The following DLC1 variants were observed in gnomAD, a reference collection of about 807,000 sequenced individuals.
The protein encoded by DLC1 is DLC1 Rho GTPase activating protein.
A neutral mutation model predicts 140.3 loss-of-function variants in DLC1; 54 were observed. The observed-to-expected ratio is 0.38, with a 90% CI of 0.31 to 0.48. The LOEUF is 0.48. Ranked by LOEUF, DLC1 falls within the 20% of genes least tolerant of loss-of-function variation. The probability of loss-of-function intolerance (pLI) is 0.96; values close to 1 mark genes in which losing one functional copy is unlikely to be tolerated. For synonymous variants in DLC1, 986 were observed against 728.1 expected (o/e 1.35, Z -5.70); for missense variants, 2,536 against 1,907.0 (o/e 1.33, Z -6.14).
At chr8:13,492,299 C>G (rs1801289357) in intron 2 of DLC1, among the ~76,000 whole-genome samples, 1 of 152,056 alleles carries the variant, frequency 6.6e-6, no homozygotes, top group African/African-American at 2.4e-5. Context: ...TCTCTGGAGT[C>G]AAGTTCATGT....
At chr8:13,551,555 G>A in intron 1 of DLC1, among the ~76,000 whole-genome samples, 1 of 151,914 alleles carries the variant, frequency 6.6e-6, no homozygotes, top group East Asian at 1.9e-4. Flanking sequence ...GTGTTACTAA[G>A]GTGCATTGCT....
In DLC1 at chr8:13,146,302, G is replaced by A. The variant is rs577361596; in HGVS notation, c.1349-30645C>T. Among the ~76,000 whole-genome samples, 11 of 151,272 alleles carry A rather than the reference G, an allele frequency of 7.3e-5. No individual in the cohort carries two copies. In the East Asian group the frequency reaches 9.7e-4, roughly 13 times the overall value. ...AAAAAAAAAAAATACACTGTAATAC[G>A]TAATAGTTGTAGTAATATCACACTG... On this transcript the variant is annotated intron_variant, in intron 5 of 17. Coordinates refer to ENST00000276297, the MANE Select transcript of DLC1 (RefSeq NM_182643.3).
chr8:13,377,750 G>A (rs1264318305), intron 4 of DLC1, among the ~76,000 whole-genome samples: 3 of 151,888 alleles, frequency 2.0e-5, no homozygotes, highest in Non-Finnish European at 4.4e-5. Flanking sequence ...GTACTTTAAA[G>A]GTCTCTTGTT....
chr8:13,260,705 T>C (rs59302413), intron 5 of DLC1, among the ~76,000 whole-genome samples: 19,685 of 152,160 alleles, frequency 0.13, 1,320 homozygotes, highest in South Asian at 0.24. Flanking sequence ...TTTATATATA[T>C]GGTACTTTGA....
intron 8 of DLC1, among the ~76,000 whole-genome samples, chr8:13,101,881 GAT>G (rs1471188246): frequency 6.6e-6 from 1 of 152,152 alleles, no homozygotes; most frequent in Admixed American, 6.5e-5. Context: ...TTTTCGGCAG[GAT>G]ATCAAAGGGC....
chr8:13,183,042 G>C (rs949109981), intron 5 of DLC1, among the ~76,000 whole-genome samples: 3 of 152,216 alleles, frequency 2.0e-5, no homozygotes, highest in African/African-American at 7.2e-5. Flanking sequence ...CGCATCCCTT[G>C]TAAGTTGGAT....
At chr8:13,388,765 C>T (rs554061695) in intron 4 of DLC1, among the ~76,000 whole-genome samples, 29 of 152,050 alleles carry the variant, frequency 1.9e-4, no homozygotes, top group African/African-American at 5.5e-4. Flanking sequence ...CATTCATACA[C>T]ATACATATAT....
intron 5 of DLC1, among the ~76,000 whole-genome samples, chr8:13,205,373 C>A (rs1827609698): frequency 6.6e-6 from 1 of 152,118 alleles, no homozygotes; most frequent in South Asian, 2.1e-4. Context: ...TGGATTAATG[C>A]TGATTCCTAC....
chr8:13,102,939 A>T, intron 7 of DLC1, 86 bp from the exon 8 acceptor site: 1 of 1,166,006 alleles, frequency 8.6e-7, no homozygotes, highest in Non-Finnish European at 1.3e-6. Flanking sequence ...CAATTCATAT[A>T]TTTAAGGAGT....
At chr8:13,141,363 G>T (rs1822981957) in intron 5 of DLC1, among the ~76,000 whole-genome samples, 1 of 150,552 alleles carries the variant, frequency 6.6e-6, no homozygotes, top group East Asian at 2.0e-4. Flanking sequence ...TTCTGTAAGT[G>T]CAATATATGT....
intron 2 of DLC1, among the ~76,000 whole-genome samples, chr8:13,496,311 G>C (rs1045841652): frequency 2.2e-4 from 33 of 152,072 alleles, no homozygotes; most frequent in African/African-American, 7.7e-4. Context: ...ATAAAAGGTT[G>C]TTTTGTGCCA....
intron 1 of DLC1, among the ~76,000 whole-genome samples, chr8:13,588,586 A>G (rs921222290): frequency 6.6e-6 from 1 of 152,146 alleles, no homozygotes; most frequent in Non-Finnish European, 1.5e-5. Flanking sequence ...ATACAGCAAT[A>G]AAATTAAAGT....
At position 13,099,609 on chromosome 8, in the gene DLC1, G is replaced by A; in HGVS notation, c.2728C>T (p.Leu910Phe). 3 of 1,614,204 alleles carry A rather than the reference G, an allele frequency of 1.9e-6. No individual in the cohort carries two copies. Among genetic ancestry groups the A allele is most frequent in the Non-Finnish European group, 2.5e-6 (3 of 1,180,036 alleles). The change falls in exon 9 of 18, where the codon CTC (leucine) becomes TTC (phenylalanine). Residue 910 changes from leucine to phenylalanine, a missense_variant. Transcript: ENST00000276297. ...CGCTGCATCCCCTTCACGTGGTAGA[G>A]GATGTCGTCCAGCTCGGGGAAGATG... ...EDIFPELDDI[L>F]YHVKGMQRIV...
At chr8:13,432,040 T>G (rs1189386931) in intron 2 of DLC1, among the ~76,000 whole-genome samples, 1 of 152,232 alleles carries the variant, frequency 6.6e-6, no homozygotes, top group Non-Finnish European at 1.5e-5. Context: ...TCAAATCTCC[T>G]GTTGAAAAGA....
intron 7 of DLC1, among the ~76,000 whole-genome samples, chr8:13,110,541 G>A (rs1014965110): frequency 6.6e-6 from 1 of 152,118 alleles, no homozygotes; most frequent in Non-Finnish European, 1.5e-5. Flanking sequence ...TCCTAGGACA[G>A]CGTGGATGCT....
chr8:13,123,662 C>G (rs1211032026), intron 5 of DLC1, among the ~76,000 whole-genome samples: 3 of 152,120 alleles, frequency 2.0e-5, no homozygotes, highest in Admixed American at 6.5e-5. Context: ...CTCTCTCCCT[C>G]TTTTCCTGTT....
At chr8:13,511,972 T>A (rs1802386089) in intron 1 of DLC1, among the ~76,000 whole-genome samples, 1 of 152,104 alleles carries the variant, frequency 6.6e-6, no homozygotes, top group African/African-American at 2.4e-5. Flanking sequence ...GTATTTGTAG[T>A]GAGTTATATG....
chr8:13,287,279 A>T (rs887744010), intron 5 of DLC1, among the ~76,000 whole-genome samples: 13 of 152,222 alleles, frequency 8.5e-5, no homozygotes, highest in African/African-American at 2.7e-4. Flanking sequence ...GTCAGAGATG[A>T]GGACAGAAAT....
rs545444786 is a variant in DLC1, at chr8:13,593,971, G to A, written c.-126+10566C>T. On this transcript the variant is annotated intron_variant, in intron 1 of 1. Transcript: ENST00000631382. ...AAAGATCCTCTGAAGACGAGCCTGG[G>A]CAACTTAGTGAGACCCTGTCTCTAC... Among the ~76,000 whole-genome samples the A allele has an allele frequency of 6.6e-5, 10 of 152,136 alleles. No individual in the cohort carries two copies. In the East Asian group the frequency reaches 1.9e-3, roughly 29 times the overall value.
Sources: gnomAD v4.1 joint callset for allele counts (sites outside exome capture counted in the v4.1 genomes callset) on GRCh38, gnomAD v4.1.1 for gene constraint, MANE v1.5 for transcripts, NCBI Gene and HGNC (gene_info 2026-07-23, HGNC 2026-07-21) for gene names.